ROR1: variants seen among roughly 807,000 people sequenced by gnomAD.
ROR1 encodes the protein ROR family WNT receptor 1, also known as inactive tyrosine-protein kinase transmembrane receptor ROR1.
A neutral mutation model predicts 78.8 loss-of-function variants in ROR1; 19 were observed. The ratio of observed to expected loss-of-function variants is 0.24; its 90% CI spans 0.17 to 0.35. The LOEUF (loss-of-function observed/expected upper bound fraction) is 0.35. Ranked by LOEUF, ROR1 falls within the 10% of genes least tolerant of loss-of-function variation. The pLI, the probability that ROR1 is intolerant of heterozygous loss-of-function variation, is 1.00. For synonymous variants in ROR1, 386 were observed against 433.6 expected (o/e 0.89, Z 1.36); for missense variants, 917 against 1,177.8 (o/e 0.78, Z 3.24).
At chr1:63,919,913 C>G (rs1276989124) in intron 1 of ROR1, among the ~76,000 whole-genome samples, 1 of 152,136 alleles carries the variant, frequency 6.6e-6, no homozygotes, top group East Asian at 1.9e-4. Flanking sequence ...GTTCAACTAT[C>G]CGGGAAAACT....
At chr1:64,108,660 C>A (rs1320154731) in intron 4 of ROR1, among the ~76,000 whole-genome samples, 2 of 152,072 alleles carry the variant, frequency 1.3e-5, no homozygotes, top group African/African-American at 4.8e-5. Flanking sequence ...ACATAACACA[C>A]ACACACACCA....
intron 1 of ROR1, among the ~76,000 whole-genome samples, chr1:63,820,537 C>CT (rs924589560): frequency 2.0e-4 from 30 of 152,160 alleles, no homozygotes; most frequent in Non-Finnish European, 3.1e-4. Context: ...ATTTTGCCTT[C>CT]TTTTTTTTCT....
Position 64,178,447 on chromosome 1 carries a change from T to C in ROR1, c.2406T>C (p.Ile802=). Residue 802 remains isoleucine (I), a synonymous_variant, in exon 9 of 9, where the codon ATT becomes ATC. Transcript: ENST00000371079. This position sits in a 1 kb window ranked among gnomAD's most constrained non-coding sequence, Gnocchi z 4.3. ...AGGGTATTACACCACAGGGCCAGAT[T>C]GCTGGTTTCATTGGCCCGCCAATAC... is the stretch of plus-strand genomic sequence containing the variant. ...PSQGITPQGQ[I]AGFIGPPIPQ... 2.5e-6 allele frequency: 4 copies of C among 1,614,210 alleles called. No homozygotes were observed. The highest frequency in any genetic ancestry group is 3.4e-6 in the Non-Finnish European group (4 of 1,180,032).
chr1:63,957,065 GGGCTGGT>G (rs1645988421), intron 1 of ROR1, among the ~76,000 whole-genome samples: 1 of 152,148 alleles, frequency 6.6e-6, no homozygotes, highest in African/African-American at 2.4e-5. Context: ...TGGGCGTCTT[GGGCTGGT>G]GTCTGTTAAG....
chr1:63,901,229 A>C (rs1357411810), intron 1 of ROR1, among the ~76,000 whole-genome samples: 3 of 152,200 alleles, frequency 2.0e-5, no homozygotes, highest in Non-Finnish European at 4.4e-5. Flanking sequence ...GCTGATTCAC[A>C]CTTGGCATGT....
chr1:63,923,153 C>G (rs530121704), intron 1 of ROR1, among the ~76,000 whole-genome samples: 11 of 152,282 alleles, frequency 7.2e-5, no homozygotes, highest in Non-Finnish European at 7.3e-5. Flanking sequence ...TTGGGCTTCC[C>G]AGCGTGGCAC....
intron 4 of ROR1, among the ~76,000 whole-genome samples, chr1:64,060,842 T>G (rs76704046): frequency 0.043 from 6,598 of 152,190 alleles, 486 homozygotes; most frequent in African/African-American, 0.15. Flanking sequence ...TGTACAGAAG[T>G]TTGAGAAGCC....
At chr1:63,917,530 T>A (rs1005950625) in intron 1 of ROR1, among the ~76,000 whole-genome samples, 1 of 152,154 alleles carries the variant, frequency 6.6e-6, no homozygotes, top group Non-Finnish European at 1.5e-5. Flanking sequence ...ATTCAACCAA[T>A]CCCCTATTGC....
chr1:63,972,525 GT>G (rs1646127284), intron 1 of ROR1, among the ~76,000 whole-genome samples: 1 of 152,184 alleles, frequency 6.6e-6, no homozygotes, highest in Non-Finnish European at 1.5e-5. Context: ...TCTATGAGGT[GT>G]TAGTTAGGTC....
intron 1 of ROR1, among the ~76,000 whole-genome samples, chr1:63,846,091 A>G (rs1250412235): frequency 1.3e-5 from 2 of 150,330 alleles, no homozygotes; most frequent in African/African-American, 4.9e-5. Context: ...TGAATTTTAT[A>G]TTTTTTATTT....
In ROR1 at chr1:63,794,550, G is replaced by A. The variant is rs543030013; in HGVS notation, c.91+20042G>A. Among the ~76,000 whole-genome samples, 11 of 152,344 alleles carry A rather than the reference G, an allele frequency of 7.2e-5. No individual in the cohort carries two copies. In the East Asian group the frequency reaches 2.1e-3, roughly 29 times the overall value. On this transcript the variant is annotated intron_variant, in intron 1 of 8. Transcript: ENST00000371079. ...CCTGCTGGCTGGGTCCAGAGAGACA[G>A]AATGAGGAGGAGCTCAGGACCTGTT...
chr1:64,159,050 C>T lies in ROR1; in HGVS notation c.1244C>T (p.Pro415Leu). ...LYILVPSVAI[P>L]LAIALLFFFI... ...ATACTAGTGCCAAGTGTGGCCATTC[C>T]CCTGGCCATTGCTTTACTCTTCTTC... is the stretch of plus-strand genomic sequence containing the variant. Residue 415 changes from proline to leucine, a missense_variant, in exon 8 of 9, where the codon CCC becomes CTC. By Grantham distance (98) the Pro-to-Leu change is moderately conservative. Coordinates refer to ENST00000371079, the MANE Select transcript of ROR1 (RefSeq NM_005012.4). The T allele has an allele frequency of 3.7e-6, 6 of 1,613,820 alleles. No individual in the cohort carries two copies. Among genetic ancestry groups the T allele is most frequent in the Non-Finnish European group, 5.1e-6 (6 of 1,179,708 alleles).
At chr1:63,838,430 G>A (rs1320855925) in intron 1 of ROR1, among the ~76,000 whole-genome samples, 2 of 152,014 alleles carry the variant, frequency 1.3e-5, no homozygotes, top group Non-Finnish European at 2.9e-5. Context: ...TGATATTGAT[G>A]ATCCTGACCC....
intron 1 of ROR1, among the ~76,000 whole-genome samples, chr1:63,947,186 C>A (rs764192655): frequency 2.6e-4 from 39 of 152,190 alleles, no homozygotes; most frequent in Non-Finnish European, 5.0e-4. Flanking sequence ...GGCCCAGGAG[C>A]AGCAGTCCGG....
At chr1:63,828,352 C>T (rs1297130950) in intron 1 of ROR1, among the ~76,000 whole-genome samples, 1 of 152,106 alleles carries the variant, frequency 6.6e-6, no homozygotes, top group Non-Finnish European at 1.5e-5. Context: ...TGTAATTTCC[C>T]TAGCAATAAT....
chr1:63,817,883 C>T (rs1208407855), intron 1 of ROR1, among the ~76,000 whole-genome samples: 1 of 152,122 alleles, frequency 6.6e-6, no homozygotes, highest in Admixed American at 6.5e-5. Context: ...CTTGGCAGTA[C>T]GGCTCATGGG....
At chr1:64,150,440 A>C (rs1244809866) in intron 7 of ROR1, among the ~76,000 whole-genome samples, 1 of 152,232 alleles carries the variant, frequency 6.6e-6, no homozygotes, top group Non-Finnish European at 1.5e-5. Context: ...AGTTTGTCAC[A>C]AACCATATTC....
At chr1:64,072,472 C>T (rs1187353449) in intron 4 of ROR1, among the ~76,000 whole-genome samples, 1 of 152,156 alleles carries the variant, frequency 6.6e-6, no homozygotes, top group Non-Finnish European at 1.5e-5. Context: ...AGTTCCCTGA[C>T]AGCCTGATTT....
chr1:63,796,951 T>C (rs971977220), intron 1 of ROR1, among the ~76,000 whole-genome samples: 3 of 152,188 alleles, frequency 2.0e-5, no homozygotes, highest in African/African-American at 4.8e-5. Flanking sequence ...TTCAAGCATA[T>C]ATGAAAGTGC....
Sources: gnomAD v4.1 joint callset for allele counts (sites outside exome capture counted in the v4.1 genomes callset) on GRCh38, gnomAD v4.1.1 for gene constraint, Gnocchi (gnomAD v3.1) non-coding constraint, MANE v1.5 for transcripts, NCBI Gene and HGNC (gene_info 2026-07-23, HGNC 2026-07-21) for gene names.